GRID2: variants seen among roughly 807,000 people sequenced by gnomAD.
GRID2 encodes the protein glutamate ionotropic receptor delta type subunit 2, also known as glutamate receptor ionotropic, delta-2.
A neutral mutation model predicts 114.8 loss-of-function variants in GRID2; 33 were observed. The ratio of observed to expected loss-of-function variants is 0.29; its 90% CI spans 0.22 to 0.38. The LOEUF (loss-of-function observed/expected upper bound fraction) is 0.38. Ranked by LOEUF, GRID2 falls within the 10% of genes least tolerant of loss-of-function variation. The pLI is 1.00. For synonymous variants in GRID2, 505 were observed against 449.9 expected (o/e 1.12, Z -1.55); for missense variants, 1,184 against 1,257.7 (o/e 0.94, Z 0.89).
In GRID2 at chr4:92,304,020, A is replaced by T. The variant is rs986009349; in HGVS notation, c.-637A>T. 1 of 152,486 alleles carries T rather than the reference A, an allele frequency of 6.6e-6. No homozygotes were observed. The allele number at this position is 152,486 out of a possible 1,614,324, so 9.4% of individuals were successfully genotyped here. A position where few individuals can be genotyped will look rare whatever the true frequency, so the allele number is the denominator to read the frequency against. ...GCTGCGTTCCGCGCCTCACGCAGAA[A>T]GGGAATTTTCTCTGCATTACTATCT... On this transcript the variant is annotated 5_prime_UTR_variant, in exon 1 of 16. The change creates a new upstream start codon in the 5' untranslated region. Transcript: ENST00000282020.
intron 14 of GRID2, among the ~76,000 whole-genome samples, chr4:93,755,849 C>T (rs371839267): frequency 6.6e-6 from 1 of 152,132 alleles, no homozygotes; most frequent in African/African-American, 2.4e-5. Flanking sequence ...TGCTAGAAAA[C>T]AATTCAGTTT....
At chr4:92,794,017 G>A (rs1739723582) in intron 2 of GRID2, among the ~76,000 whole-genome samples, 1 of 151,848 alleles carries the variant, frequency 6.6e-6, no homozygotes, top group African/African-American at 2.4e-5. Flanking sequence ...CAGCAAGACT[G>A]GAATGCCGAT....
intron 13 of GRID2, among the ~76,000 whole-genome samples, chr4:93,516,185 G>A (rs760661798): frequency 3.3e-5 from 5 of 152,094 alleles, no homozygotes; most frequent in Non-Finnish European, 7.4e-5. Flanking sequence ...AGCAATAGTG[G>A]TATACACTTT....
At chr4:93,686,665 T>C (rs1399020394) in intron 14 of GRID2, among the ~76,000 whole-genome samples, 1 of 151,994 alleles carries the variant, frequency 6.6e-6, no homozygotes, top group Non-Finnish European at 1.5e-5. Context: ...TAAAGTGGCA[T>C]ATGACTGAAA....
At chr4:93,530,346 C>T (rs900751377) in intron 13 of GRID2, among the ~76,000 whole-genome samples, 1 of 152,132 alleles carries the variant, frequency 6.6e-6, no homozygotes, top group Non-Finnish European at 1.5e-5. Flanking sequence ...TTTCAGTATT[C>T]ATTTACTCAT....
At chr4:92,641,007 AT>A (rs1681857704) in intron 2 of GRID2, among the ~76,000 whole-genome samples, 1 of 151,752 alleles carries the variant, frequency 6.6e-6, no homozygotes, top group African/African-American at 2.4e-5. Flanking sequence ...GGAAGGAAGA[AT>A]AAGGACGACA....
intron 2 of GRID2, among the ~76,000 whole-genome samples, chr4:92,737,388 T>A (rs79926007): frequency 0.014 from 2,131 of 151,964 alleles, 46 homozygotes; most frequent in African/African-American, 0.049. Flanking sequence ...CCCATTTCAA[T>A]TTTTTTAAGC....
At chr4:93,676,846 G>A (rs1313372245) in intron 14 of GRID2, among the ~76,000 whole-genome samples, 1 of 151,956 alleles carries the variant, frequency 6.6e-6, no homozygotes, top group Non-Finnish European at 1.5e-5. Flanking sequence ...CCTAGTGTGA[G>A]CGATGCAGAA....
At chr4:92,383,881 G>C (rs1318700264) in intron 1 of GRID2, among the ~76,000 whole-genome samples, 5 of 128,782 alleles carry the variant, frequency 3.9e-5, no homozygotes, top group Non-Finnish European at 9.4e-5. Flanking sequence ...GTTCCTTGTT[G>C]CTGTTAAAGT....
At chr4:92,310,760 A>G (rs909614464) in intron 1 of GRID2, among the ~76,000 whole-genome samples, 10 of 152,046 alleles carry the variant, frequency 6.6e-5, no homozygotes, top group African/African-American at 2.4e-4. Context: ...TTAATCTCTA[A>G]GATTATATGA....
At chr4:92,950,805 C>T (rs1470577179) in intron 2 of GRID2, among the ~76,000 whole-genome samples, 2 of 152,062 alleles carry the variant, frequency 1.3e-5, no homozygotes. Context: ...AAAGTATTGC[C>T]TTCCAGGTAA....
chr4:92,580,736 A>ATT (rs5860281), intron 1 of GRID2, among the ~76,000 whole-genome samples: 7 of 151,534 alleles, frequency 4.6e-5, no homozygotes, highest in East Asian at 1.9e-4. Flanking sequence ...CAATTCTCAC[A>ATT]TTTTTTTTGT....
chr4:92,929,569 T>C (rs1233323651), intron 2 of GRID2, among the ~76,000 whole-genome samples: 1 of 151,418 alleles, frequency 6.6e-6, no homozygotes, highest in Non-Finnish European at 1.5e-5. Flanking sequence ...TGTCTGATAA[T>C]ATTGTAACTT....
intron 8 of GRID2, among the ~76,000 whole-genome samples, chr4:93,337,134 A>G (rs1759172120): frequency 6.6e-6 from 1 of 152,296 alleles, no homozygotes. Context: ...TAAATATAGG[A>G]AAGAGGATTT....
rs758876890 is a variant in GRID2, at chr4:93,319,207, AT to A, written c.1246-76399del. On this transcript the variant is annotated intron_variant, in intron 8 of 15. Coordinates refer to ENST00000282020, the MANE Select transcript of GRID2 (RefSeq NM_001510.4). ...AGCCATTCAAAATGTACACACACAC[AT>A]GTAATGAGCAAAGATCTTATTGACC... 3.7e-4 allele frequency among the ~76,000 whole-genome samples: 56 copies of A among 152,260 alleles called. No individual in the cohort carries two copies. The East Asian group carries it at 8.5e-3, about 23-fold the overall frequency.
At chr4:93,158,467 A>T (rs543917241) in intron 4 of GRID2, among the ~76,000 whole-genome samples, 1 of 151,790 alleles carries the variant, frequency 6.6e-6, no homozygotes, top group African/African-American at 2.4e-5. Flanking sequence ...AGGTTGAATC[A>T]ATTTATTAGG....
chr4:93,275,077 C>T (rs1176008694), intron 8 of GRID2, among the ~76,000 whole-genome samples: 2 of 151,858 alleles, frequency 1.3e-5, no homozygotes, highest in African/African-American at 4.8e-5. Context: ...CGACTTCCCC[C>T]TTTTCTCAGC....
intron 1 of GRID2, among the ~76,000 whole-genome samples, chr4:92,524,808 A>G (rs1431700753): frequency 6.6e-6 from 1 of 151,940 alleles, no homozygotes; most frequent in African/African-American, 2.4e-5. Context: ...CTGGAAACTG[A>G]TATCTTTGGG....
At chr4:92,968,222 C>T (rs1195543333) in intron 2 of GRID2, among the ~76,000 whole-genome samples, 3 of 151,846 alleles carry the variant, frequency 2.0e-5, no homozygotes, top group African/African-American at 4.8e-5. Flanking sequence ...TTTTCACAAC[C>T]TCTAAGGTAG....
Sources: allele counts gnomAD v4.1 joint callset (sites outside exome capture counted in the v4.1 genomes callset), GRCh38; gene constraint gnomAD v4.1.1; transcripts MANE v1.5; gene names NCBI Gene and HGNC (gene_info 2026-07-23, HGNC 2026-07-21).